The following TNR variants were observed in gnomAD, a reference collection of about 807,000 sequenced individuals.
TNR encodes the protein tenascin-R.
Under a neutral mutation model 150.4 loss-of-function variants are expected in TNR, and 45 were observed. The observed-to-expected ratio is 0.30, with a 90% CI of 0.24 to 0.38. TNR has a LOEUF of 0.38. Ranked by LOEUF, TNR falls within the 10% of genes least tolerant of loss-of-function variation. TNR has a pLI of 1.00. For missense variants in TNR, 1,544 were observed against 1,759.1 expected (o/e 0.88, Z 2.19); for synonymous variants, 687 against 678.4 (o/e 1.01, Z -0.20).
rs139127206 is a variant in TNR at position 175,740,568 on chromosome 1, C to T, written c.-165+2658G>A. On this transcript the variant is annotated intron_variant, in intron 1 of 22. Coordinates refer to ENST00000367674, the MANE Select transcript of TNR (RefSeq NM_003285.3). ...TGCTCATCTCCCCAGTCCTGGGTGGCAGCCCAGCAGTCTCCCCTACACAGT... is the reference window on the plus strand; with the variant it reads ...TGCTCATCTCCCCAGTCCTGGGTGGTAGCCCAGCAGTCTCCCCTACACAGT... 4.0e-3 allele frequency among the ~76,000 whole-genome samples: 608 copies of T among 152,238 alleles called. 9 individuals carry two copies. The highest frequency in any genetic ancestry group is 0.014 in the African/African-American group (567 of 41,534).
rs1479357103 is a variant in TNR at position 175,324,435 on chromosome 1, G to A, written c.3878C>T (p.Ser1293Leu). ...CTTATACCACCATGCTCCCTTGTAC[G>A]ACATGGCACAGTTAGTCACTGCAAC... ...NDVAVTNCAM[S>L]YKGAWWYKNC... The change falls in exon 22 of 23, where the codon TCG becomes TTG. Residue 1293 changes from serine to leucine, a missense_variant. By Grantham distance (145) the Ser-to-Leu change is moderately radical. Transcript: ENST00000367674. The A allele has an allele frequency of 5.0e-6, 8 of 1,614,050 alleles. No homozygotes were observed. The highest frequency in any genetic ancestry group is 2.2e-5 in the East Asian group (1 of 44,876).
intron 1 of TNR, among the ~76,000 whole-genome samples, chr1:175,682,679 A>C (rs1666070842): frequency 1.3e-5 from 2 of 152,058 alleles, no homozygotes; most frequent in Non-Finnish European, 2.9e-5. Flanking sequence ...CCTGAGACGG[A>C]TGTCAGTTCT....
intron 12 of TNR, among the ~76,000 whole-genome samples, chr1:175,364,769 T>C (rs1169275027): frequency 2.6e-5 from 4 of 152,202 alleles, no homozygotes; most frequent in African/African-American, 9.6e-5. Context: ...GACAAATGCA[T>C]TCAAGCTTTG....
chr1:175,545,518 A>G (rs1251279614), intron 1 of TNR, among the ~76,000 whole-genome samples: 1 of 152,208 alleles, frequency 6.6e-6, no homozygotes, highest in Non-Finnish European at 1.5e-5. Flanking sequence ...GGAAATGGAG[A>G]GACTGAAAGT....
intron 1 of TNR, among the ~76,000 whole-genome samples, chr1:175,546,396 C>T (rs550685588): frequency 3.6e-4 from 55 of 152,202 alleles, no homozygotes; most frequent in Non-Finnish European, 5.7e-4. Flanking sequence ...GCTGGTGTAG[C>T]GGCCATCAAG....
rs774698565 is a variant in TNR, at chr1:175,386,201, C to G, written c.1608G>C (p.Leu536Phe). Residue 536 changes from leucine (L) to phenylalanine (F), a missense_variant, in exon 8 of 23, where the codon TTG (leucine) becomes TTC (phenylalanine). Leu to Phe is a conservative substitution (Grantham distance 22). Around this residue, in one of 2 missense-constraint regions of TNR, gnomAD observed 1,254 missense variants for 1,329.4 expected, o/e 0.94. Coordinates refer to ENST00000367674, the MANE Select transcript of TNR (RefSeq NM_003285.3). ...PPRAKVDFIL[L>F]KYGLVGGEGG... ...CTTCCCCGCCCACCAGGCCATATTT[C>G]AAAAGAATGAAATCGACTTTGGCTC... The G allele has an allele frequency of 1.2e-6, 2 of 1,612,050 alleles. No individual in the cohort carries two copies. Among genetic ancestry groups the G allele is most frequent in the South Asian group, 1.1e-5 (1 of 90,970 alleles).
intron 20 of TNR, among the ~76,000 whole-genome samples, chr1:175,334,696 C>G (rs978590286): frequency 6.6e-6 from 1 of 152,158 alleles, no homozygotes. Context: ...TATCCCCAAC[C>G]AATTGGCAGC....
intron 2 of TNR, among the ~76,000 whole-genome samples, chr1:175,476,932 G>C (rs1327182075): frequency 6.6e-6 from 1 of 152,090 alleles, no homozygotes; most frequent in Non-Finnish European, 1.5e-5. Flanking sequence ...ATAAATTGTA[G>C]GATTCTGTAA....
intron 1 of TNR, among the ~76,000 whole-genome samples, chr1:175,604,493 C>G (rs1184082893): frequency 2.0e-5 from 3 of 152,186 alleles, no homozygotes; most frequent in Non-Finnish European, 2.9e-5. Context: ...CCCAAGGTCA[C>G]AGTGGGAAGG....
At chr1:175,402,313 CAAAA>C (rs149037374) in intron 4 of TNR, among the ~76,000 whole-genome samples, 1 of 41,692 alleles carries the variant, frequency 2.4e-5, no homozygotes, top group African/African-American at 1.0e-4. Flanking sequence ...GACTCCGTCT[CAAAA>C]AAAAAAAAAA....
intron 2 of TNR, among the ~76,000 whole-genome samples, chr1:175,484,475 C>T (rs1395794823): frequency 1.3e-5 from 2 of 152,074 alleles, no homozygotes; most frequent in Non-Finnish European, 2.9e-5. Flanking sequence ...CCACTCTTTC[C>T]TTTTGCAGTC....
chr1:175,403,750 T>G, intron 3 of TNR, 134 bp from the exon 4 acceptor site: 1 of 735,124 alleles, frequency 1.4e-6, no homozygotes, highest in African/African-American at 1.8e-5. Context: ...CTCAACGTAG[T>G]TTGGTACATA....
At chr1:175,688,345 G>A (rs190778011) in intron 1 of TNR, among the ~76,000 whole-genome samples, 3 of 152,370 alleles carry the variant, frequency 2.0e-5, no homozygotes, top group Admixed American at 2.0e-4. Context: ...AGGCCGGGAA[G>A]AAAGGAGGCA....
rs568852859 is a variant in TNR, at chr1:175,542,337, G to T, written c.-164-13968C>A. 9.9e-5 allele frequency among the ~76,000 whole-genome samples: 15 copies of T among 152,268 alleles called. No homozygotes were observed. The East Asian group carries it at 2.9e-3, about 29-fold the overall frequency. ...ACAGGAAGTTTGGAAGGGGGGTGCT[G>T]CATGCTTGGAGGCATTTAGCCCACC... is the stretch of plus-strand genomic sequence containing the variant. On this transcript the variant is annotated intron_variant, in intron 1 of 22. Transcript: ENST00000367674.
intron 2 of TNR, among the ~76,000 whole-genome samples, chr1:175,445,413 GAGC>G (rs896552452): frequency 6.6e-6 from 1 of 152,190 alleles, no homozygotes; most frequent in African/African-American, 2.4e-5. Context: ...AAAAGATTTT[GAGC>G]AGAAGTTTTA....
chr1:175,479,065 T>C (rs1657667880), intron 2 of TNR, among the ~76,000 whole-genome samples: 1 of 152,158 alleles, frequency 6.6e-6, no homozygotes, highest in Non-Finnish European at 1.5e-5. Context: ...ATTTGACAGG[T>C]AGAAAAAATT....
chr1:175,337,500 G>A (rs1255567514), intron 19 of TNR, 28 bp downstream of exon 19: 2 of 1,611,994 alleles, frequency 1.2e-6, no homozygotes, highest in Non-Finnish European at 8.5e-7. Flanking sequence ...GGACGCTTCT[G>A]TGCAAGGAGA....
intron 1 of TNR, among the ~76,000 whole-genome samples, chr1:175,583,538 G>T (rs1186985216): frequency 6.6e-6 from 1 of 152,206 alleles, no homozygotes; most frequent in Non-Finnish European, 1.5e-5. Flanking sequence ...CTAACAGGGG[G>T]CTAGCAGGTC....
At chr1:175,529,349 T>C (rs1047383916) in intron 1 of TNR, among the ~76,000 whole-genome samples, 9 of 152,158 alleles carry the variant, frequency 5.9e-5, no homozygotes, top group African/African-American at 2.2e-4. Flanking sequence ...TGTGAATAAA[T>C]TAACCTTCCC....
Sources: allele counts gnomAD v4.1 joint callset (sites outside exome capture counted in the v4.1 genomes callset), GRCh38; gene constraint gnomAD v4.1.1; regional missense constraint gnomAD v4.1.1; transcripts MANE v1.5; gene names NCBI Gene and HGNC (gene_info 2026-07-23, HGNC 2026-07-21).